Variants in NRXN3 observed in about 807,000 individuals in gnomAD.
The protein encoded by NRXN3 is neurexin 3.
In NRXN3, 32 loss-of-function variants were observed where a neutral mutation model predicts 137.6. That is an observed-to-expected ratio of 0.23 (90% confidence interval 0.18 to 0.31). NRXN3 has a LOEUF of 0.31. Ranked by LOEUF, NRXN3 falls within the 10% of genes least tolerant of loss-of-function variation. NRXN3 has a pLI of 1.00. For missense variants in NRXN3, 1,574 were observed against 2,062.5 expected, an observed-to-expected ratio of 0.76 and a Z score of 4.59; for synonymous variants, 798 against 784.5, an observed-to-expected ratio of 1.02 and a Z score of -0.29.
At chr14:79,824,403 G>GTTCC (rs71103823) in intron 20 of NRXN3, among the ~76,000 whole-genome samples, 18 of 151,858 alleles carry the variant, frequency 1.2e-4, no homozygotes, top group African/African-American at 4.4e-4. Flanking sequence ...TTTTTTGATG[G>GTTCC]TTTTTTTTTC....
Position 79,408,729 on chromosome 14 carries a change from C to T in NRXN3, c.3263-58492C>T, listed in dbSNP as rs116819681. Among the ~76,000 whole-genome samples the T allele has an allele frequency of 8.2e-3, 1,251 of 152,076 alleles. 11 individuals are homozygous for T. Among genetic ancestry groups the T allele is most frequent in the African/African-American group, 0.028 (1,182 of 41,492 alleles). ...TTCAACTTTCTTTTCACTTTCTTTC[C>T]TACTAAGAGCACATATTTCCAGGCT... On this transcript the variant is annotated intron_variant, in intron 15 of 20. Coordinates refer to ENST00000335750, the MANE Select transcript of NRXN3 (RefSeq NM_001330195.2).
At chr14:78,271,321 C>A (rs775712457) in intron 2 of NRXN3, among the ~76,000 whole-genome samples, 2 of 152,098 alleles carry the variant, frequency 1.3e-5, no homozygotes, top group East Asian at 3.8e-4. Flanking sequence ...ATGCTTCTGG[C>A]AGAACTGGCT....
At position 78,422,329 on chromosome 14, in the gene NRXN3, G is replaced by C. The variant is rs186007032; in HGVS notation, c.757+124469G>C. Among the ~76,000 whole-genome samples the C allele has an allele frequency of 2.9e-3, 436 of 152,292 alleles. 3 individuals carry two copies. The highest frequency in any genetic ancestry group is 0.01 in the African/African-American group (423 of 41,552). ...TTTTGCATTCATTCTTGAGGTTATTGGATGAATGTGTGGCTCCTCCTCTGA... is the reference window on the plus strand; with the variant it reads ...TTTTGCATTCATTCTTGAGGTTATTCGATGAATGTGTGGCTCCTCCTCTGA... On this transcript the variant is annotated intron_variant, in intron 4 of 20. Transcript: ENST00000335750.
intron 19 of NRXN3, among the ~76,000 whole-genome samples, chr14:79,797,943 T>C (rs2099165955): frequency 6.6e-6 from 1 of 151,708 alleles, no homozygotes. Context: ...AAAATAAAAA[T>C]AAATAAATTA....
chr14:79,284,448 T>G (rs1039807882), intron 15 of NRXN3, among the ~76,000 whole-genome samples: 3 of 149,142 alleles, frequency 2.0e-5, no homozygotes, highest in Non-Finnish European at 4.5e-5. Flanking sequence ...TGCAGGTTTC[T>G]CTAAGGATTC....
intron 16 of NRXN3, among the ~76,000 whole-genome samples, chr14:79,628,605 A>G (rs1174694531): frequency 6.6e-6 from 1 of 152,182 alleles, no homozygotes; most frequent in Non-Finnish European, 1.5e-5. Context: ...GCACTTTCAG[A>G]AGCTCGAGAA....
At chr14:78,561,981 C>T (rs1473869172) in intron 4 of NRXN3, among the ~76,000 whole-genome samples, 1 of 152,156 alleles carries the variant, frequency 6.6e-6, no homozygotes. Context: ...TTTCCCATCC[C>T]ATGCACTCTT....
chr14:78,998,132 GATGTCTC>G (rs1234487147), intron 15 of NRXN3, among the ~76,000 whole-genome samples: 1 of 152,142 alleles, frequency 6.6e-6, no homozygotes, highest in Non-Finnish European at 1.5e-5. Context: ...TTCTTTGCCT[GATGTCTC>G]ATGTCTCATG....
chr14:78,257,628 G>C (rs115252346), intron 2 of NRXN3, among the ~76,000 whole-genome samples: 1 of 152,212 alleles, frequency 6.6e-6, no homozygotes, highest in Non-Finnish European at 1.5e-5. Flanking sequence ...GCAGCTTGCT[G>C]TTTCCAGCTG....
intron 4 of NRXN3, chr14:78,403,910 AG>A (rs2092297947): frequency 1.0e-6 from 1 of 983,130 alleles, no homozygotes. Context: ...TAAAAAGAAA[AG>A]ATATGTGAGC....
At chr14:79,128,918 G>T (rs1037762631) in intron 15 of NRXN3, among the ~76,000 whole-genome samples, 1 of 151,838 alleles carries the variant, frequency 6.6e-6, no homozygotes, top group Non-Finnish European at 1.5e-5. Context: ...GAGTGTATGT[G>T]TCGAGGAATT....
At chr14:78,746,009 T>C (rs1384776519) in intron 8 of NRXN3, among the ~76,000 whole-genome samples, 1 of 152,230 alleles carries the variant, frequency 6.6e-6, no homozygotes, top group Non-Finnish European at 1.5e-5. Context: ...TTAACATGCA[T>C]AGTAAGAACT....
chr14:78,876,230 A>T lies in NRXN3; in HGVS notation c.2275+65886A>T, dbSNP rs1307368800. 2.6e-5 allele frequency among the ~76,000 whole-genome samples: 4 copies of T among 152,304 alleles called. No homozygotes were observed. The East Asian group carries it at 7.7e-4, about 29-fold the overall frequency. ...CAAAGCAATTGGAGTATTTGGTTTT[A>T]TTGAGGAGTGATGTTTTCAAAGGCA... On this transcript the variant is annotated intron_variant, in intron 10 of 20. Coordinates refer to ENST00000335750, the MANE Select transcript of NRXN3 (RefSeq NM_001330195.2).
intron 20 of NRXN3, among the ~76,000 whole-genome samples, chr14:79,856,235 A>G (rs2099402217): frequency 6.6e-6 from 1 of 152,172 alleles, no homozygotes; most frequent in African/African-American, 2.4e-5. Context: ...CTCCCCAGGT[A>G]CTTGCCCTGT....
In NRXN3 at chr14:78,265,389, A is replaced by T. The variant is rs73310350; in HGVS notation, c.710-13256A>T. ...GTTGTGGAGAGGGGAGAGGACACTG[A>T]TGAGGTGACGAGACAGATGATATAT... On this transcript the variant is annotated intron_variant, in intron 2 of 20. Coordinates refer to ENST00000335750, the MANE Select transcript of NRXN3 (RefSeq NM_001330195.2). Among the ~76,000 whole-genome samples, 1,034 of 152,320 alleles carry T rather than the reference A, an allele frequency of 6.8e-3. 7 individuals carry two copies. Among genetic ancestry groups the T allele is most frequent in the African/African-American group, 0.023 (973 of 41,566 alleles).
chr14:78,740,509 C>T (rs1420778496), intron 8 of NRXN3, among the ~76,000 whole-genome samples: 1 of 150,398 alleles, frequency 6.6e-6, no homozygotes, highest in African/African-American at 2.4e-5. Flanking sequence ...TAGTAGAGCA[C>T]TTTAATTTGC....
intron 4 of NRXN3, among the ~76,000 whole-genome samples, chr14:78,541,519 A>G (rs889216091): frequency 6.6e-5 from 10 of 151,926 alleles, no homozygotes; most frequent in African/African-American, 2.4e-4. Flanking sequence ...TTCATGTAAT[A>G]TTTTTTCAAG....
chr14:79,115,483 A>G (rs1235003965), intron 15 of NRXN3, among the ~76,000 whole-genome samples: 2 of 152,188 alleles, frequency 1.3e-5, no homozygotes, highest in African/African-American at 2.4e-5. Context: ...TCTTTTAAGA[A>G]AAGTATAAAA....
intron 15 of NRXN3, among the ~76,000 whole-genome samples, chr14:79,099,619 A>G (rs768976911): frequency 6.6e-6 from 1 of 152,200 alleles, no homozygotes; most frequent in Non-Finnish European, 1.5e-5. Flanking sequence ...TTCCAAATTT[A>G]TATGAAACTT....
Sources: allele counts gnomAD v4.1 joint callset (sites outside exome capture counted in the v4.1 genomes callset), GRCh38; gene constraint gnomAD v4.1.1; transcripts MANE v1.5; gene names NCBI Gene and HGNC (gene_info 2026-07-23, HGNC 2026-07-21).